ZBTB20: variants seen among roughly 807,000 people sequenced by gnomAD.
ZBTB20 encodes zinc finger and BTB domain-containing protein 20.
A neutral mutation model predicts 56.9 loss-of-function variants in ZBTB20; 9 were observed. The ratio of observed to expected loss-of-function variants is 0.16; its 90% CI spans 0.10 to 0.28. The LOEUF (loss-of-function observed/expected upper bound fraction) is 0.28. ZBTB20 is among the 10% of genes least tolerant of loss of function. The pLI, the probability that ZBTB20 is intolerant of heterozygous loss-of-function variation, is 1.00. For synonymous variants in ZBTB20, 417 were observed against 420.7 expected (o/e 0.99, Z 0.11); for missense variants, 655 against 1,003.0 (o/e 0.65, Z 4.69).
chr3:114,914,266 T>G (rs2075656535), intron 3 of ZBTB20, among the ~76,000 whole-genome samples: 1 of 152,028 alleles, frequency 6.6e-6, no homozygotes, highest in Non-Finnish European at 1.5e-5. Flanking sequence ...AACAATCTTT[T>G]ATAGTTTTTA....
chr3:114,487,331 G>A (rs115106979), intron 7 of ZBTB20, among the ~76,000 whole-genome samples: 5 of 152,208 alleles, frequency 3.3e-5, no homozygotes, highest in Admixed American at 6.5e-5. Context: ...GTGTTTGACT[G>A]TTCAGGTAGA....
intron 3 of ZBTB20, among the ~76,000 whole-genome samples, chr3:114,955,246 T>C (rs1330501544): frequency 6.6e-6 from 1 of 152,196 alleles, no homozygotes; most frequent in African/African-American, 2.4e-5. Flanking sequence ...AGAGACAGCA[T>C]AGCTGCACCT....
At chr3:114,793,857 A>G (rs1039052081) in intron 5 of ZBTB20, among the ~76,000 whole-genome samples, 1 of 152,124 alleles carries the variant, frequency 6.6e-6, no homozygotes, top group African/African-American at 2.4e-5. Context: ...TTATGACATC[A>G]ATCTACAGTC....
At chr3:114,843,685 ATT>A (rs113924099) in intron 4 of ZBTB20, among the ~76,000 whole-genome samples, 23 of 150,144 alleles carry the variant, frequency 1.5e-4, no homozygotes, top group South Asian at 2.1e-4. Flanking sequence ...ATATATATAT[ATT>A]TTTTTTTGAG....
intron 7 of ZBTB20, among the ~76,000 whole-genome samples, chr3:114,418,449 A>G (rs2088806604): frequency 6.6e-6 from 1 of 152,036 alleles, no homozygotes; most frequent in Non-Finnish European, 1.5e-5. Context: ...TCACTTAGTG[A>G]TATCTTACAC....
chr3:114,807,455 T>G (rs774352035), intron 4 of ZBTB20, among the ~76,000 whole-genome samples: 18 of 151,860 alleles, frequency 1.2e-4, no homozygotes, highest in Non-Finnish European at 1.9e-4. Flanking sequence ...TGCTGCTGCT[T>G]CTTTTTTTTT....
At chr3:115,142,491 T>C (rs1297966731) in intron 1 of ZBTB20, among the ~76,000 whole-genome samples, 1 of 151,964 alleles carries the variant, frequency 6.6e-6, no homozygotes, top group Admixed American at 6.6e-5. Context: ...TGAAACCCTG[T>C]CTCTACTAAA....
intron 4 of ZBTB20, among the ~76,000 whole-genome samples, chr3:114,816,787 T>C (rs1406424768): frequency 6.6e-6 from 1 of 152,160 alleles, no homozygotes; most frequent in Non-Finnish European, 1.5e-5. Flanking sequence ...GTATGTACTT[T>C]AATCAAATAG....
At chr3:114,776,502 C>T (rs1161921026) in intron 5 of ZBTB20, among the ~76,000 whole-genome samples, 1 of 152,170 alleles carries the variant, frequency 6.6e-6, no homozygotes, top group Non-Finnish European at 1.5e-5. Flanking sequence ...AAAGGATTCT[C>T]CCCTAGAGCA....
intron 4 of ZBTB20, among the ~76,000 whole-genome samples, chr3:114,880,098 G>A (rs1358198343): frequency 6.6e-6 from 1 of 152,176 alleles, no homozygotes; most frequent in East Asian, 1.9e-4. Flanking sequence ...AATATATTGA[G>A]TGATGAATAC....
At chr3:114,556,271 A>G (rs1273336191) in intron 6 of ZBTB20, among the ~76,000 whole-genome samples, 1 of 151,952 alleles carries the variant, frequency 6.6e-6, no homozygotes, top group Non-Finnish European at 1.5e-5. Flanking sequence ...CTCATTGACG[A>G]TTTCCTTGAA....
intron 10 of ZBTB20, among the ~76,000 whole-genome samples, chr3:114,353,667 T>G (rs1355677528): frequency 1.3e-5 from 2 of 152,194 alleles, no homozygotes; most frequent in African/African-American, 4.8e-5. Context: ...AGGAGCTCAA[T>G]CAGCAGCAGA....
At chr3:114,458,652 G>A (rs1299386329) in intron 7 of ZBTB20, among the ~76,000 whole-genome samples, 1 of 151,630 alleles carries the variant, frequency 6.6e-6, no homozygotes, top group Non-Finnish European at 1.5e-5. Flanking sequence ...ACTAAGTCCT[G>A]AGTGGTAGAG....
chr3:114,880,589 T>C (rs934935607), intron 4 of ZBTB20, among the ~76,000 whole-genome samples: 3 of 152,140 alleles, frequency 2.0e-5, no homozygotes, highest in Non-Finnish European at 2.9e-5. Flanking sequence ...CCTGATGACA[T>C]AATCAGGGAT....
chr3:114,813,683 G>C (rs540487999), intron 4 of ZBTB20, among the ~76,000 whole-genome samples: 1 of 152,136 alleles, frequency 6.6e-6, no homozygotes, highest in East Asian at 1.9e-4. Context: ...CCTGGGAGGC[G>C]GAGGTTGCAG....
intron 6 of ZBTB20, among the ~76,000 whole-genome samples, chr3:114,588,117 T>C (rs2055370634): frequency 6.6e-6 from 1 of 152,198 alleles, no homozygotes; most frequent in Non-Finnish European, 1.5e-5. Context: ...GGGGGCCTTC[T>C]TTTGTCACTT....
At chr3:114,428,566 C>T (rs985598336) in intron 7 of ZBTB20, among the ~76,000 whole-genome samples, 1 of 152,128 alleles carries the variant, frequency 6.6e-6, no homozygotes, top group African/African-American at 2.4e-5. Flanking sequence ...TGGCTGCCCC[C>T]ACCATGTTGA....
chr3:114,678,987 G>A (rs1223319776), intron 6 of ZBTB20, among the ~76,000 whole-genome samples: 1 of 152,142 alleles, frequency 6.6e-6, no homozygotes, highest in Non-Finnish European at 1.5e-5. Context: ...ATGCATTGAG[G>A]TAAGGTCCTA....
At chr3:114,845,548 C>A (rs1183881226) in intron 4 of ZBTB20, among the ~76,000 whole-genome samples, 1 of 151,724 alleles carries the variant, frequency 6.6e-6, no homozygotes. Flanking sequence ...TGAACCCCTG[C>A]AAATAAATCA....
Sources: allele counts gnomAD v4.1 joint callset (sites outside exome capture counted in the v4.1 genomes callset), GRCh38; gene constraint gnomAD v4.1.1; transcripts MANE v1.5; gene names NCBI Gene and HGNC (gene_info 2026-07-23, HGNC 2026-07-21).